Variants in SOX6 observed in about 807,000 individuals in gnomAD.
The protein encoded by SOX6 is transcription factor SOX-6.
In SOX6, 11 loss-of-function variants were observed where a neutral mutation model predicts 97.8. That is an observed-to-expected ratio of 0.11 (90% CI 0.07 to 0.19). The LOEUF is 0.19. Among genes scored for constraint, SOX6 ranks in the 10% least tolerant of loss-of-function variants. The pLI, the probability that SOX6 is intolerant of heterozygous loss-of-function variation, is 1.00. For synonymous variants in SOX6, 360 were observed against 371.4 expected (o/e 0.97, Z 0.35); for missense variants, 810 against 1,039.5 (o/e 0.78, Z 3.04).
chr11:16,222,914 T>G (rs1348433433), intron 4 of SOX6, among the ~76,000 whole-genome samples: 1 of 152,228 alleles, frequency 6.6e-6, no homozygotes, highest in Non-Finnish European at 1.5e-5. Flanking sequence ...TTTTTTAAAA[T>G]AATATTTTTT....
At chr11:16,118,326 T>A (rs2134003556) in intron 6 of SOX6, among the ~76,000 whole-genome samples, 1 of 152,364 alleles carries the variant, frequency 6.6e-6, no homozygotes, top group South Asian at 2.1e-4. Context: ...ATATTCTTGA[T>A]CAAATAGGCT....
chr11:16,334,038 G>A (rs1172942538), intron 2 of SOX6, among the ~76,000 whole-genome samples: 2 of 152,042 alleles, frequency 1.3e-5, no homozygotes, highest in Non-Finnish European at 2.9e-5. Context: ...GTTGCAAATT[G>A]TGAGTGTCAG....
intron 3 of SOX6, among the ~76,000 whole-genome samples, chr11:16,670,520 G>T (rs953175860): frequency 6.6e-6 from 1 of 152,138 alleles, no homozygotes; most frequent in African/African-American, 2.4e-5. Flanking sequence ...TAACGAAGGA[G>T]CAAAGACCCT....
intron 1 of SOX6, among the ~76,000 whole-genome samples, chr11:16,424,807 CAAGCCAT>C (rs1162509229): frequency 1.3e-5 from 2 of 152,178 alleles, no homozygotes; most frequent in African/African-American, 4.8e-5. Context: ...GTGTGTCCCA[CAAGCCAT>C]ATGGCTCTGG....
chr11:16,454,606 C>T (rs1276102527), intron 1 of SOX6, among the ~76,000 whole-genome samples: 1 of 152,042 alleles, frequency 6.6e-6, no homozygotes, highest in Non-Finnish European at 1.5e-5. Flanking sequence ...CTTAGATAGA[C>T]TGTGTCAAAA....
At chr11:16,515,961 T>C (rs1459961353) in intron 4 of SOX6, among the ~76,000 whole-genome samples, 1 of 151,590 alleles carries the variant, frequency 6.6e-6, no homozygotes, top group Admixed American at 6.6e-5. Flanking sequence ...CCTTGTAGTA[T>C]AGTTTGAAGG....
intron 3 of SOX6, among the ~76,000 whole-genome samples, chr11:16,259,814 A>G (rs1853820478): frequency 2.0e-5 from 3 of 152,046 alleles, no homozygotes; most frequent in Admixed American, 1.3e-4. Context: ...GAAATGTTCT[A>G]TATCTTGCTA....
At chr11:16,441,690 A>C (rs1215350406) in intron 1 of SOX6, among the ~76,000 whole-genome samples, 1 of 152,216 alleles carries the variant, frequency 6.6e-6, no homozygotes, top group African/African-American at 2.4e-5. Flanking sequence ...TAAAATGACT[A>C]AAACAAAAAC....
chr11:16,186,741 A>G, intron 5 of SOX6, 42 bp downstream of exon 5: 1 of 1,607,354 alleles, frequency 6.2e-7, no homozygotes. Context: ...AGCCTGGCAC[A>G]TTCCACATCT....
At chr11:16,554,133 T>C (rs1847722145) in intron 4 of SOX6, among the ~76,000 whole-genome samples, 1 of 152,074 alleles carries the variant, frequency 6.6e-6, no homozygotes, top group African/African-American at 2.4e-5. Flanking sequence ...TGTATGCAAC[T>C]TGAGTCTTGT....
At chr11:16,340,401 C>T (rs1203224728) in intron 2 of SOX6, among the ~76,000 whole-genome samples, 2 of 152,026 alleles carry the variant, frequency 1.3e-5, no homozygotes, top group Non-Finnish European at 2.9e-5. Flanking sequence ...TGGAATTTAA[C>T]ATGGGAAAGC....
intron 4 of SOX6, among the ~76,000 whole-genome samples, chr11:16,491,906 A>G (rs1035934404): frequency 1.3e-5 from 2 of 152,204 alleles, no homozygotes; most frequent in African/African-American, 4.8e-5. Flanking sequence ...CCTGCGATCA[A>G]TAAAGTACTA....
At chr11:16,198,097 A>C (rs1851834044) in intron 4 of SOX6, among the ~76,000 whole-genome samples, 1 of 151,960 alleles carries the variant, frequency 6.6e-6, no homozygotes, top group Non-Finnish European at 1.5e-5. Flanking sequence ...CTTCTTGCCC[A>C]AGCTGGAGTG....
chr11:16,399,346 TTTTTA>T (rs527957234), intron 1 of SOX6, among the ~76,000 whole-genome samples: 115 of 150,088 alleles, frequency 7.7e-4, no homozygotes, highest in African/African-American at 2.2e-3. Flanking sequence ...TTTTATATTA[TTTTTA>T]TTTTATTTTA....
At chr11:16,522,006 C>G (rs1476487668) in intron 4 of SOX6, among the ~76,000 whole-genome samples, 6 of 152,110 alleles carry the variant, frequency 3.9e-5, no homozygotes, top group Non-Finnish European at 7.4e-5. Flanking sequence ...ACGTCTGATT[C>G]GTGTACCTGA....
intron 6 of SOX6, among the ~76,000 whole-genome samples, chr11:16,142,845 AC>A (rs1328932177): frequency 6.6e-6 from 1 of 152,126 alleles, no homozygotes; most frequent in Non-Finnish European, 1.5e-5. Flanking sequence ...GAAATATGGG[AC>A]TATGTGAAAA....
chr11:15,991,610 C>T (rs748858106), intron 13 of SOX6, among the ~76,000 whole-genome samples: 1 of 152,228 alleles, frequency 6.6e-6, no homozygotes, highest in Non-Finnish European at 1.5e-5. Context: ...TGCTATGCCA[C>T]AGGTGATTAA....
chr11:16,076,479 C>T (rs1848355399), intron 9 of SOX6, among the ~76,000 whole-genome samples: 1 of 150,928 alleles, frequency 6.6e-6, no homozygotes, highest in Non-Finnish European at 1.5e-5. Flanking sequence ...AGAAGACAGA[C>T]TCACAGCCAA....
chr11:16,250,246 C>T (rs190580756), intron 3 of SOX6, among the ~76,000 whole-genome samples: 194 of 151,018 alleles, frequency 1.3e-3, no homozygotes, highest in African/African-American at 4.4e-3. Context: ...ATTTTGAGTG[C>T]CATTAAATTT....
Sources: allele counts gnomAD v4.1 joint callset (sites outside exome capture counted in the v4.1 genomes callset), GRCh38; gene constraint gnomAD v4.1.1; transcripts MANE v1.5; gene names NCBI Gene and HGNC (gene_info 2026-07-23, HGNC 2026-07-21).